The following ADAMTSL3 variants were observed in gnomAD, a reference collection of about 807,000 sequenced individuals.
The protein encoded by ADAMTSL3 is ADAMTS like 3, also known as ADAMTS-like protein 3.
Under a neutral mutation model 201.7 loss-of-function variants are expected in ADAMTSL3, and 128 were observed. The observed-to-expected ratio is 0.63, with a 90% CI of 0.55 to 0.73. ADAMTSL3 has a LOEUF of 0.73. ADAMTSL3 is among the 30% of genes least tolerant of loss of function. The pLI is 0.00. For synonymous variants in ADAMTSL3, 738 were observed against 748.4 expected (o/e 0.99, Z 0.23); for missense variants, 1,990 against 2,119.6 (o/e 0.94, Z 1.20).
intron 3 of ADAMTSL3, among the ~76,000 whole-genome samples, chr15:83,740,395 A>C (rs1255662199): frequency 2.6e-5 from 4 of 152,236 alleles, no homozygotes; most frequent in Non-Finnish European, 4.4e-5. Flanking sequence ...TTTGGAATTT[A>C]AAAATACCTT....
rs569624653 is a variant in ADAMTSL3, at chr15:83,739,679, C to T, written c.190-33844C>T. ...TCAACCTGTACTATTAAAAAATAGTCATGGATTGCGTCTCCCCTGCACTTC... is the reference window on the plus strand; with the variant it reads ...TCAACCTGTACTATTAAAAAATAGTTATGGATTGCGTCTCCCCTGCACTTC... On this transcript the variant is annotated intron_variant, in intron 3 of 29. Transcript: ENST00000286744. 50 of 237,254 alleles carry T rather than the reference C, an allele frequency of 2.1e-4. 2 individuals carry two copies. The South Asian group carries it at 3.0e-3, about 14-fold the overall frequency. The allele number at this position is 237,254 out of a possible 1,614,324, so 14.7% of individuals were successfully genotyped here.
chr15:83,934,598 G>A (rs934041309), intron 17 of ADAMTSL3, among the ~76,000 whole-genome samples: 1 of 152,062 alleles, frequency 6.6e-6, no homozygotes, highest in African/African-American at 2.4e-5. Context: ...TTTGCGAGAG[G>A]GGATGAAATG....
chr15:83,870,434 C>G (rs1265808500), intron 8 of ADAMTSL3, among the ~76,000 whole-genome samples: 1 of 152,116 alleles, frequency 6.6e-6, no homozygotes, highest in Admixed American at 6.5e-5. Context: ...TGATTTTTGT[C>G]TAAAAGAGTA....
chr15:83,911,803 G>A (rs1368633850), intron 15 of ADAMTSL3, among the ~76,000 whole-genome samples: 3 of 152,130 alleles, frequency 2.0e-5, no homozygotes, highest in Admixed American at 1.3e-4. Context: ...TCTTTCTGAG[G>A]TTAGAAATAT....
chr15:83,949,188 C>T (rs1388906106), intron 19 of ADAMTSL3, among the ~76,000 whole-genome samples: 8 of 151,922 alleles, frequency 5.3e-5, no homozygotes. Context: ...GATAACCATC[C>T]TTCTACTCTC....
At chr15:83,800,763 C>T (rs1420450514) in intron 4 of ADAMTSL3, among the ~76,000 whole-genome samples, 2 of 152,168 alleles carry the variant, frequency 1.3e-5, no homozygotes, top group African/African-American at 2.4e-5. Context: ...CTTTTTACAG[C>T]TGCAAGTCAG....
intron 2 of ADAMTSL3, among the ~76,000 whole-genome samples, chr15:83,698,622 A>ACCC (rs57793836): frequency 0.28 from 42,054 of 152,102 alleles, 6,024 homozygotes; most frequent in South Asian, 0.49. Flanking sequence ...TGTGAGGGCC[A>ACCC]CATGCCACTG....
intron 20 of ADAMTSL3, 50 bp from the exon 21 acceptor site, chr15:83,982,223 T>G: frequency 7.0e-7 from 1 of 1,431,396 alleles, no homozygotes; most frequent in Non-Finnish European, 9.5e-7. Context: ...GTCTGTATTT[T>G]TGAGATGTTT....
In ADAMTSL3 at chr15:83,753,696, G is replaced by T. The variant is rs1377358901; in HGVS notation, c.190-19827G>T. Among the ~76,000 whole-genome samples, 17 of 151,902 alleles carry T rather than the reference G, an allele frequency of 1.1e-4. 1 individual carries two copies. The highest frequency in any genetic ancestry group is 9.2e-4 in the Admixed American group (14 of 15,262). On this transcript the variant is annotated intron_variant, in intron 3 of 29. Transcript: ENST00000286744. ...TTCTTGGAAAGAGAAGCCTACTGTAGATTGTCAAATATAAATGCTTTGATT... is the reference window on the plus strand; with the variant it reads ...TTCTTGGAAAGAGAAGCCTACTGTATATTGTCAAATATAAATGCTTTGATT...
intron 15 of ADAMTSL3, among the ~76,000 whole-genome samples, chr15:83,904,260 G>A (rs973391202): frequency 6.6e-6 from 1 of 151,792 alleles, no homozygotes; most frequent in African/African-American, 2.4e-5. Flanking sequence ...TTTCTGGCCT[G>A]GTCCTGGCCA....
chr15:83,697,418 C>G (rs1374790327), intron 2 of ADAMTSL3, among the ~76,000 whole-genome samples: 1 of 152,122 alleles, frequency 6.6e-6, no homozygotes, highest in Admixed American at 6.5e-5. Context: ...GTTAAGGGCT[C>G]CATCCCACAA....
intron 9 of ADAMTSL3, among the ~76,000 whole-genome samples, chr15:83,881,556 A>G (rs937237393): frequency 6.6e-6 from 1 of 152,202 alleles, no homozygotes; most frequent in African/African-American, 2.4e-5. Flanking sequence ...ACTAAAATAC[A>G]CTAAAAATAT....
At chr15:83,734,015 G>A (rs541058535) in intron 3 of ADAMTSL3, among the ~76,000 whole-genome samples, 27 of 152,242 alleles carry the variant, frequency 1.8e-4, no homozygotes, top group African/African-American at 5.8e-4. Flanking sequence ...GGAGGGAAGC[G>A]TGGTGAGTCT....
At chr15:83,864,560 A>G (rs1338529446) in intron 8 of ADAMTSL3, among the ~76,000 whole-genome samples, 1 of 152,214 alleles carries the variant, frequency 6.6e-6, no homozygotes, top group Non-Finnish European at 1.5e-5. Context: ...ACAAAATTCA[A>G]CAACGCTTCA....
At chr15:83,845,428 G>T (rs917292794) in intron 7 of ADAMTSL3, among the ~76,000 whole-genome samples, 16 of 152,154 alleles carry the variant, frequency 1.1e-4, no homozygotes, top group Admixed American at 5.9e-4. Flanking sequence ...ATTTCAGTGG[G>T]ACTAAATGAT....
intron 15 of ADAMTSL3, among the ~76,000 whole-genome samples, chr15:83,902,596 C>T (rs2065748399): frequency 6.6e-6 from 1 of 152,106 alleles, no homozygotes; most frequent in South Asian, 2.1e-4. Flanking sequence ...TTGCAATGTT[C>T]AGAATATCCA....
chr15:83,916,743 G>C (rs12911979), intron 16 of ADAMTSL3, among the ~76,000 whole-genome samples: 152,116 of 152,122 alleles, frequency 1, 76,055 homozygotes, highest in Middle Eastern at 1. Context: ...GCCAGGAGTT[G>C]GAGATCAATC....
intron 17 of ADAMTSL3, among the ~76,000 whole-genome samples, chr15:83,934,831 AT>A (rs2066431912): frequency 6.6e-6 from 1 of 151,308 alleles, no homozygotes; most frequent in Non-Finnish European, 1.5e-5. Context: ...TAAAGAAAAT[AT>A]GGTATATGTA....
At chr15:83,706,260 T>C (rs1216783948) in intron 3 of ADAMTSL3, among the ~76,000 whole-genome samples, 2 of 152,170 alleles carry the variant, frequency 1.3e-5, no homozygotes, top group African/African-American at 2.4e-5. Context: ...GTTCCACAGA[T>C]ACTTTATATT....
Sources: allele counts gnomAD v4.1 joint callset (sites outside exome capture counted in the v4.1 genomes callset), GRCh38; gene constraint gnomAD v4.1.1; transcripts MANE v1.5; gene names NCBI Gene and HGNC (gene_info 2026-07-23, HGNC 2026-07-21).